TRANK1: variants seen among roughly 807,000 people sequenced by gnomAD.
TRANK1 encodes the protein TPR and ankyrin repeat-containing protein 1.
TRANK1 carries 198 observed loss-of-function variants against 266.0 expected under a neutral mutation model. The observed-to-expected ratio is 0.74, with a 90% confidence interval of 0.66 to 0.84. TRANK1 has a LOEUF of 0.84. Among genes scored for constraint, TRANK1 ranks in the 40% least tolerant of loss-of-function variants. The pLI, the probability that TRANK1 is intolerant of heterozygous loss-of-function variation, is 0.00. For synonymous variants in TRANK1, 1,396 were observed against 1,384.1 expected (o/e 1.01, Z -0.19); for missense variants, 3,326 against 3,634.6 (o/e 0.92, Z 2.18).
chr3:36,835,703 T>C (rs1267241657), intron 20 of TRANK1, among the ~76,000 whole-genome samples: 1 of 152,228 alleles, frequency 6.6e-6, no homozygotes, highest in Non-Finnish European at 1.5e-5. Flanking sequence ...TAGAAGTTTC[T>C]GTGAAGACGA....
intron 1 of TRANK1, among the ~76,000 whole-genome samples, chr3:36,916,528 C>G (rs1032866047): frequency 3.9e-5 from 6 of 152,132 alleles, no homozygotes; most frequent in Admixed American, 6.5e-5. Flanking sequence ...CCACTGCACT[C>G]CAGCCTGGGT....
intron 8 of TRANK1, among the ~76,000 whole-genome samples, chr3:36,886,939 C>G (rs148264883): frequency 0.29 from 41,155 of 140,766 alleles, 6,646 homozygotes; most frequent in Non-Finnish European, 0.37. Context: ...CAGAGTCTCG[C>G]TCTGTTGCCC....
chr3:36,864,498 G>A lies in TRANK1; in HGVS notation c.1079-18C>T, dbSNP rs750421123. ...GCTGAATCCTACAAAACAGCACCAG[G>A]TAATGCTTCTGAATACAGAAATTGC... On this transcript the variant is annotated intron_variant, in intron 9 of 23. Coordinates refer to ENST00000645898, the MANE Select transcript of TRANK1 (RefSeq NM_001329998.2). The A allele has an allele frequency of 6.6e-7, 1 of 1,504,630 alleles. No individual in the cohort carries two copies. The highest frequency in any genetic ancestry group is 1.7e-4 in the Middle Eastern group (1 of 5,850). 93.2% of individuals were successfully genotyped at this position (1,504,630 alleles called of 1,614,324 possible). A position where few individuals can be genotyped will look rare whatever the true frequency, so the allele number is the denominator to read the frequency against.
chr3:36,901,061 G>A (rs966003408), intron 3 of TRANK1, among the ~76,000 whole-genome samples: 3 of 148,796 alleles, frequency 2.0e-5, no homozygotes, highest in African/African-American at 7.4e-5. Flanking sequence ...TAGGCAAGCT[G>A]ATAATCTCCC....
chr3:36,862,687 C>A (rs2079157780), intron 10 of TRANK1, among the ~76,000 whole-genome samples: 1 of 152,134 alleles, frequency 6.6e-6, no homozygotes, highest in African/African-American at 2.4e-5. Context: ...TTGTTCGAAC[C>A]ACTGAAAGAG....
intron 9 of TRANK1, among the ~76,000 whole-genome samples, chr3:36,871,233 C>T (rs565768557): frequency 8.6e-5 from 13 of 152,028 alleles, no homozygotes; most frequent in African/African-American, 3.1e-4. Context: ...ACTAATAATA[C>T]AAAAATTAGC....
chr3:36,930,376 G>T (rs901912774), intron 1 of TRANK1, among the ~76,000 whole-genome samples: 7 of 152,140 alleles, frequency 4.6e-5, no homozygotes, highest in Admixed American at 3.9e-4. Context: ...GAAGCAGGGG[G>T]TCTTTGCAGA....
At chr3:36,936,352 G>GT (rs1559482232) in intron 1 of TRANK1, among the ~76,000 whole-genome samples, 2 of 151,976 alleles carry the variant, frequency 1.3e-5, no homozygotes, top group African/African-American at 2.4e-5. Context: ...AGGCATGGTG[G>GT]TGTATGCCTG....
intron 8 of TRANK1, among the ~76,000 whole-genome samples, chr3:36,879,964 G>A (rs191921892): frequency 0.4 from 2,774 of 6,952 alleles, 959 homozygotes; most frequent in Middle Eastern, 0.75. Flanking sequence ...ATGTAAACAT[G>A]CAAATATATG....
At chr3:36,869,302 C>G (rs1322474438) in intron 9 of TRANK1, among the ~76,000 whole-genome samples, 2 of 152,184 alleles carry the variant, frequency 1.3e-5, no homozygotes, top group Non-Finnish European at 2.9e-5. Context: ...CCCTTTATTT[C>G]TCACCTAGAT....
At chr3:36,892,848 A>T (rs1334676955) in intron 6 of TRANK1, 53 bp downstream of exon 6, 2 of 730,224 alleles carry the variant, frequency 2.7e-6, no homozygotes, top group African/African-American at 5.0e-5. Context: ...AAAACAAAAC[A>T]AAACATATAT....
chr3:36,868,739 G>C (rs1434125937), intron 9 of TRANK1, among the ~76,000 whole-genome samples: 2 of 152,112 alleles, frequency 1.3e-5, no homozygotes, highest in African/African-American at 2.4e-5. Context: ...TATATAAAAA[G>C]ATTGGTTTTA....
At chr3:36,880,379 C>T in intron 8 of TRANK1, 1 of 375,458 alleles carries the variant, frequency 2.7e-6, no homozygotes, top group Non-Finnish European at 5.6e-6. Context: ...CTCTAGCCAG[C>T]CCTCTTGGTT....
intron 8 of TRANK1, among the ~76,000 whole-genome samples, chr3:36,875,132 A>T (rs1403135904): frequency 6.6e-6 from 1 of 152,164 alleles, no homozygotes; most frequent in African/African-American, 2.4e-5. Context: ...CCAGTTATTC[A>T]ATCAAATACT....
chr3:36,919,112 C>T (rs2080179136), intron 1 of TRANK1, among the ~76,000 whole-genome samples: 1 of 152,218 alleles, frequency 6.6e-6, no homozygotes, highest in African/African-American at 2.4e-5. Flanking sequence ...AGAGGTCTGT[C>T]ATATCCCATT....
intron 16 of TRANK1, among the ~76,000 whole-genome samples, chr3:36,846,670 C>A (rs1026493823): frequency 2.1e-4 from 32 of 152,006 alleles, no homozygotes; most frequent in African/African-American, 7.0e-4. Flanking sequence ...TTTGAATCAG[C>A]CATAATTTTT....
At position 36,851,833 on chromosome 3, in the gene TRANK1, C is replaced by T. The variant is rs767991228; in HGVS notation, c.4773G>A (p.Thr1591=). Residue 1591 remains threonine (T), a synonymous_variant, in exon 15 of 24, where the codon ACG becomes ACA. Transcript: ENST00000645898. ...GCTCTTCTGGAATTTTCTCCTTTGC[C>T]GTTTCATTGGCCACAAGGATTACCT... is the stretch of plus-strand genomic sequence containing the variant. ...AHQVILVANE[T]AKEKIPEELG... is the part of the protein sequence containing the mutation. 5 of 1,603,726 alleles carry T rather than the reference C, an allele frequency of 3.1e-6. No individual in the cohort carries two copies. The highest frequency in any genetic ancestry group is 1.1e-5 in the South Asian group (1 of 89,020).
At chr3:36,835,666 A>T (rs1413551244) in intron 20 of TRANK1, among the ~76,000 whole-genome samples, 1 of 152,232 alleles carries the variant, frequency 6.6e-6, no homozygotes, top group Non-Finnish European at 1.5e-5. Flanking sequence ...CTTTTAAAAA[A>T]ATAACACCTA....
At chr3:36,943,821 G>T (rs2080531760) in intron 1 of TRANK1, among the ~76,000 whole-genome samples, 2 of 151,996 alleles carry the variant, frequency 1.3e-5, no homozygotes, top group South Asian at 4.2e-4. Context: ...AGCAGCAACT[G>T]GGTTGGAGCA....
Sources: gnomAD v4.1 joint callset for allele counts (sites outside exome capture counted in the v4.1 genomes callset) on GRCh38, gnomAD v4.1.1 for gene constraint, MANE v1.5 for transcripts, NCBI Gene and HGNC (gene_info 2026-07-23, HGNC 2026-07-21) for gene names.